Variants in RBFOX1 observed in about 807,000 individuals in gnomAD.
The protein encoded by RBFOX1 is RNA binding protein fox-1 homolog 1.
Under a neutral mutation model 57.7 loss-of-function variants are expected in RBFOX1, and 8 were observed. That is an observed-to-expected ratio of 0.14 (90% CI 0.08 to 0.25). The LOEUF (loss-of-function observed/expected upper bound fraction) is 0.25, where lower values mean the gene tolerates loss of function less well. RBFOX1 is among the 10% of genes least tolerant of loss of function. The probability of loss-of-function intolerance (pLI) is 1.00; values close to 1 mark genes in which losing one functional copy is unlikely to be tolerated. For missense variants in RBFOX1, 611 were observed against 548.5 expected, an observed-to-expected ratio of 1.11 and a Z score of -1.14; for synonymous variants, 326 against 222.4, an observed-to-expected ratio of 1.47 and a Z score of -4.15.
chr16:7,071,095 C>A (rs529777122), intron 4 of RBFOX1, among the ~76,000 whole-genome samples: 1 of 152,096 alleles, frequency 6.6e-6, no homozygotes, highest in African/African-American at 2.4e-5. Context: ...AAGGAGGGTC[C>A]CATCTGGCTT....
intron 3 of RBFOX1, among the ~76,000 whole-genome samples, chr16:6,770,678 A>T (rs2078140083): frequency 6.6e-6 from 1 of 152,118 alleles, no homozygotes; most frequent in Admixed American, 6.5e-5. Flanking sequence ...AGAGTCCACA[A>T]AGTTCTCCGT....
intron 1 of RBFOX1, among the ~76,000 whole-genome samples, chr16:5,341,560 A>G (rs982056288): frequency 6.6e-6 from 1 of 152,198 alleles, no homozygotes; most frequent in African/African-American, 2.4e-5. Context: ...TATTTGAGCC[A>G]TGGCCCAGCT....
chr16:6,873,460 T>A (rs2061303720), intron 3 of RBFOX1, among the ~76,000 whole-genome samples: 1 of 152,186 alleles, frequency 6.6e-6, no homozygotes, highest in South Asian at 2.1e-4. Flanking sequence ...TTTTTCAGTT[T>A]TATGTGTATC....
At chr16:7,361,075 G>C (rs1007429795) in intron 4 of RBFOX1, among the ~76,000 whole-genome samples, 1 of 152,172 alleles carries the variant, frequency 6.6e-6, no homozygotes, top group African/African-American at 2.4e-5. Flanking sequence ...TCTGCCTGCT[G>C]GGGGTTTCTT....
At chr16:6,755,034 T>A (rs1365415764) in intron 3 of RBFOX1, among the ~76,000 whole-genome samples, 1 of 152,236 alleles carries the variant, frequency 6.6e-6, no homozygotes, top group Non-Finnish European at 1.5e-5. Context: ...GGGCATGAAC[T>A]CATCATTTTT....
At chr16:7,186,167 G>T (rs927288850) in intron 4 of RBFOX1, among the ~76,000 whole-genome samples, 1 of 150,288 alleles carries the variant, frequency 6.7e-6, no homozygotes, top group African/African-American at 2.4e-5. Context: ...TATCTCTAAT[G>T]ACATAAATAT....
chr16:6,816,813 T>C (rs1031157534), intron 3 of RBFOX1, among the ~76,000 whole-genome samples: 1 of 151,722 alleles, frequency 6.6e-6, no homozygotes, highest in Non-Finnish European at 1.5e-5. Context: ...GATGCAATCA[T>C]ATCTCACTGC....
rs1283172719 is a variant in RBFOX1, at chr16:6,981,616, AGGAG to A, written c.-15-70439_-15-70436del. Among the ~76,000 whole-genome samples, 3 of 152,298 alleles carry A rather than the reference AGGAG, an allele frequency of 2.0e-5. No individual in the cohort carries two copies. The East Asian group carries it at 5.8e-4, about 29-fold the overall frequency. On this transcript the variant is annotated intron_variant, in intron 3 of 15. Coordinates refer to ENST00000550418, the MANE Select transcript of RBFOX1 (RefSeq NM_018723.4). ...GCCTCACAGTCATGATGGGAGGCAA[AGGAG>A]GAGAGAAGTCACATCTTACATAGTG...
At chr16:7,338,053 T>G (rs1397714902) in intron 4 of RBFOX1, among the ~76,000 whole-genome samples, 1 of 152,216 alleles carries the variant, frequency 6.6e-6, no homozygotes, top group Non-Finnish European at 1.5e-5. Flanking sequence ...TAAAGTATTA[T>G]TTTATTTTTG....
intron 2 of RBFOX1, among the ~76,000 whole-genome samples, chr16:6,517,757 C>G (rs2096409741): frequency 6.6e-6 from 1 of 152,102 alleles, no homozygotes; most frequent in Admixed American, 6.6e-5. Flanking sequence ...CTGCCACATC[C>G]CTTCATGGCC....
intron 4 of RBFOX1, among the ~76,000 whole-genome samples, chr16:7,196,749 G>A (rs917732849): frequency 1.9e-4 from 29 of 152,212 alleles, no homozygotes; most frequent in South Asian, 2.1e-4. Flanking sequence ...GAAGGTTTGC[G>A]GAAAGAAGGG....
chr16:6,000,283 G>C (rs1438651890), intron 4 of RBFOX1, among the ~76,000 whole-genome samples: 1 of 152,180 alleles, frequency 6.6e-6, no homozygotes, highest in Non-Finnish European at 1.5e-5. Flanking sequence ...TCCTGAGTCT[G>C]GTTGGTTTGG....
At chr16:5,303,023 AC>A (rs1202908028) in intron 1 of RBFOX1, among the ~76,000 whole-genome samples, 1 of 151,638 alleles carries the variant, frequency 6.6e-6, no homozygotes, top group Admixed American at 6.6e-5. Context: ...CTCTTTTACC[AC>A]CTTCTTTTGG....
chr16:6,943,009 C>G (rs1160684726), intron 3 of RBFOX1, among the ~76,000 whole-genome samples: 1 of 152,184 alleles, frequency 6.6e-6, no homozygotes, highest in Non-Finnish European at 1.5e-5. Flanking sequence ...CAAGGCTCTT[C>G]CTACCCAGAC....
intron 3 of RBFOX1, among the ~76,000 whole-genome samples, chr16:5,682,163 A>T (rs940189325): frequency 6.6e-6 from 1 of 152,180 alleles, no homozygotes; most frequent in Non-Finnish European, 1.5e-5. Flanking sequence ...ATTAATGTAA[A>T]TTAATGATTG....
At chr16:6,099,677 CACAA>C (rs534823248) in intron 1 of RBFOX1, among the ~76,000 whole-genome samples, 33 of 152,284 alleles carry the variant, frequency 2.2e-4, no homozygotes, top group African/African-American at 7.9e-4. Flanking sequence ...ACTGTCACTT[CACAA>C]ACAGAGTCAC....
chr16:6,743,676 G>A (rs1008805047), intron 3 of RBFOX1, among the ~76,000 whole-genome samples: 26 of 151,876 alleles, frequency 1.7e-4, no homozygotes, highest in African/African-American at 6.0e-4. Context: ...CTGGGAGGCT[G>A]AGGCTGCACT....
Position 6,214,553 on chromosome 16 carries a change from AG to A in RBFOX1, c.-126-102437del, listed in dbSNP as rs1040035786. 1.0e-4 allele frequency among the ~76,000 whole-genome samples: 6 copies of A among 59,806 alleles called. No homozygotes were observed. In the South Asian group the frequency reaches 4.8e-3, roughly 48 times the overall value. The allele number at this position is 59,806 out of a possible 152,430, so 39.2% of individuals were successfully genotyped here. On this transcript the variant is annotated intron_variant, in intron 1 of 15. Coordinates refer to ENST00000550418, the MANE Select transcript of RBFOX1 (RefSeq NM_018723.4). ...GAGATGGGGAGAAGGAGACAGGGAG[AG>A]GGGGAGAGGGAGGGGGGAGAGGCAA...
chr16:6,737,988 T>G (rs2070878695), intron 3 of RBFOX1, among the ~76,000 whole-genome samples: 1 of 151,534 alleles, frequency 6.6e-6, no homozygotes, highest in African/African-American at 2.4e-5. Flanking sequence ...CTAAATAAAT[T>G]CTAACTATTG....
Sources: gnomAD v4.1 joint callset for allele counts (sites outside exome capture counted in the v4.1 genomes callset) on GRCh38, gnomAD v4.1.1 for gene constraint, MANE v1.5 for transcripts, NCBI Gene and HGNC (gene_info 2026-07-23, HGNC 2026-07-21) for gene names.